Variants in GRID1 observed in about 807,000 individuals in gnomAD.
The protein encoded by GRID1 is glutamate receptor ionotropic, delta-1.
GRID1 carries 28 observed loss-of-function variants against 98.0 expected under a neutral mutation model. The observed-to-expected ratio is 0.29, with a 90% CI of 0.21 to 0.39. GRID1 has a LOEUF of 0.39. Among genes scored for constraint, GRID1 ranks in the 10% least tolerant of loss-of-function variants. The pLI is 1.00. For missense variants in GRID1, 1,111 were observed against 1,340.5 expected (o/e 0.83, Z 2.67); for synonymous variants, 553 against 538.5 (o/e 1.03, Z -0.37).
intron 3 of GRID1, among the ~76,000 whole-genome samples, chr10:86,141,912 C>A (rs1486281277): frequency 1.3e-5 from 2 of 152,254 alleles, no homozygotes; most frequent in Non-Finnish European, 2.9e-5. Context: ...GGCTCCTAAT[C>A]CCAGGCTTTT....
intron 2 of GRID1, among the ~76,000 whole-genome samples, chr10:86,292,853 T>C (rs1050132356): frequency 7.9e-5 from 12 of 151,876 alleles, no homozygotes; most frequent in African/African-American, 2.4e-4. Context: ...TGTATGAGTG[T>C]GTGAGTGTGG....
At chr10:85,922,159 T>C (rs748885501) in intron 4 of GRID1, among the ~76,000 whole-genome samples, 7 of 152,242 alleles carry the variant, frequency 4.6e-5, no homozygotes, top group Non-Finnish European at 1.0e-4. Flanking sequence ...TTTTTGGGTC[T>C]GAACCTGGCC....
At chr10:86,175,813 G>A (rs1428109285) in intron 3 of GRID1, among the ~76,000 whole-genome samples, 1 of 152,092 alleles carries the variant, frequency 6.6e-6, no homozygotes, top group Non-Finnish European at 1.5e-5. Flanking sequence ...GGGTTCAAGC[G>A]ATTCTCCTGC....
At chr10:85,709,411 G>A (rs941303654) in intron 12 of GRID1, among the ~76,000 whole-genome samples, 1 of 152,162 alleles carries the variant, frequency 6.6e-6, no homozygotes, top group Non-Finnish European at 1.5e-5. Context: ...AAGCATTCTT[G>A]GACTAGTTGA....
rs140462353 is a variant in GRID1 at position 85,674,170 on chromosome 10, T to A, written c.1998-26773A>T. Among the ~76,000 whole-genome samples the A allele has an allele frequency of 2.9e-4, 44 of 152,326 alleles. No individual in the cohort carries two copies. The East Asian group carries it at 7.3e-3, about 25-fold the overall frequency. ...TTCCAACGGGATGGGTAAGCTTGCTTTTCTCTCTGGGCTTCTTCTTTGGCT... is the reference window on the plus strand; with the variant it reads ...TTCCAACGGGATGGGTAAGCTTGCTATTCTCTCTGGGCTTCTTCTTTGGCT... On this transcript the variant is annotated intron_variant, in intron 12 of 15. Coordinates refer to ENST00000327946, the MANE Select transcript of GRID1 (RefSeq NM_017551.3).
chr10:85,849,141 T>C (rs1169412478), intron 8 of GRID1, among the ~76,000 whole-genome samples: 2 of 152,228 alleles, frequency 1.3e-5, no homozygotes, highest in Non-Finnish European at 2.9e-5. Flanking sequence ...CTTTTCAACC[T>C]GGCTTCACCT....
chr10:86,337,231 T>C (rs1848235547), intron 2 of GRID1, among the ~76,000 whole-genome samples: 1 of 152,050 alleles, frequency 6.6e-6, no homozygotes, highest in Non-Finnish European at 1.5e-5. Context: ...GCCCATCCCC[T>C]GTTAGGGAGG....
intron 5 of GRID1, among the ~76,000 whole-genome samples, chr10:85,884,476 C>T (rs1372005222): frequency 6.6e-6 from 1 of 151,994 alleles, no homozygotes; most frequent in African/African-American, 2.4e-5. Flanking sequence ...CTGAGGGGCC[C>T]AAGAGAAGCA....
chr10:86,206,511 G>A lies in GRID1; in HGVS notation c.373C>T (p.Arg125Cys), dbSNP rs1351108306. The A allele has an allele frequency of 2.5e-6, 4 of 1,614,226 alleles. No individual in the cohort carries two copies. Among genetic ancestry groups the A allele is most frequent in the Non-Finnish European group, 3.4e-6 (4 of 1,180,038 alleles). ...CTGGGGTTCAGGTGGCATGCGGTGCGTGGCGACCCTCCCGGGTTGCGCTGG... is the reference window on the plus strand; with the variant it reads ...CTGGGGTTCAGGTGGCATGCGGTGCATGGCGACCCTCCCGGGTTGCGCTGG... The part of the protein sequence containing the change: ...FVQRNPGGSP[R>C]TACHLNPSPD... The change falls in exon 3 of 16, where the codon CGC (arginine) becomes TGC (cysteine). Residue 125 changes from arginine to cysteine, a missense_variant. This residue lies in a region of GRID1 where 346 missense variants were observed against 452.3 expected (regional missense o/e 0.76). Coordinates refer to ENST00000327946, the MANE Select transcript of GRID1 (RefSeq NM_017551.3). This position sits in a 1 kb window ranked among gnomAD's most constrained non-coding sequence, Gnocchi z 4.1.
chr10:86,279,434 CTAAG>C (rs946955644), intron 2 of GRID1, among the ~76,000 whole-genome samples: 77 of 152,288 alleles, frequency 5.1e-4, no homozygotes, highest in African/African-American at 1.6e-3. Flanking sequence ...TACATCACGA[CTAAG>C]TAAGATTTAA....
intron 4 of GRID1, among the ~76,000 whole-genome samples, chr10:86,130,974 G>A (rs772064827): frequency 5.9e-5 from 9 of 152,176 alleles, no homozygotes; most frequent in Non-Finnish European, 1.0e-4. Flanking sequence ...CCAAACAAAG[G>A]AGCCACGTCC....
At position 85,601,264 on chromosome 10, in the gene GRID1, T is replaced by C. The variant is rs1590152310; in HGVS notation, c.*1009A>G. ...ACAAAGCTTCTACTCCCTGCATCTA[T>C]GGCCTCACTTCCTTCTCTCACCTGG... On this transcript the variant is annotated 3_prime_UTR_variant, in exon 16 of 16. Coordinates refer to ENST00000327946, the MANE Select transcript of GRID1 (RefSeq NM_017551.3). The C allele has an allele frequency of 1.3e-5, 2 of 152,704 alleles. No homozygotes were observed. The highest frequency in any genetic ancestry group is 3.9e-4 in the East Asian group (2 of 5,140). 9.5% of individuals were successfully genotyped at this position (152,704 alleles called of 1,614,324 possible).
chr10:85,630,181 C>T (rs1056238193), intron 13 of GRID1, among the ~76,000 whole-genome samples: 2 of 152,148 alleles, frequency 1.3e-5, no homozygotes, highest in African/African-American at 4.8e-5. Flanking sequence ...TCTTCAATCC[C>T]ACTTCACAGA....
chr10:85,690,964 G>A (rs556415183), intron 12 of GRID1, among the ~76,000 whole-genome samples: 4 of 152,284 alleles, frequency 2.6e-5, no homozygotes, highest in African/African-American at 9.6e-5. Flanking sequence ...TTAAGGGAAA[G>A]ATAGATTTAT....
intron 4 of GRID1, among the ~76,000 whole-genome samples, chr10:85,980,249 T>C (rs1053208733): frequency 9.9e-5 from 15 of 152,220 alleles, no homozygotes; most frequent in African/African-American, 3.6e-4. Context: ...ACAGCCCCTG[T>C]TGGATAGTGT....
chr10:86,255,461 C>A (rs970277632), intron 2 of GRID1, among the ~76,000 whole-genome samples: 2 of 152,176 alleles, frequency 1.3e-5, no homozygotes, highest in Non-Finnish European at 2.9e-5. Flanking sequence ...ATATACTAGC[C>A]CCTCAGGAGG....
chr10:85,896,385 T>C (rs1841294982), intron 5 of GRID1, among the ~76,000 whole-genome samples: 1 of 152,222 alleles, frequency 6.6e-6, no homozygotes, highest in Non-Finnish European at 1.5e-5. Context: ...CAGTACTGCA[T>C]GAAGGTAACA....
At position 85,980,840 on chromosome 10, in the gene GRID1, T is replaced by G. The variant is rs1465862942; in HGVS notation, c.727-64601A>C. Among the ~76,000 whole-genome samples, 3 of 152,332 alleles carry G rather than the reference T, an allele frequency of 2.0e-5. No individual in the cohort carries two copies. In the East Asian group the frequency reaches 5.8e-4, roughly 29 times the overall value. ...GAAACAGGAACTTATGAGAGTCACATGGCTTCTCTGTGCCCTGCTTTCCTC... is the reference window on the plus strand; with the variant it reads ...GAAACAGGAACTTATGAGAGTCACAGGGCTTCTCTGTGCCCTGCTTTCCTC... On this transcript the variant is annotated intron_variant, in intron 4 of 15. Transcript: ENST00000327946.
chr10:86,293,530 G>A (rs1847545898), intron 2 of GRID1, among the ~76,000 whole-genome samples: 1 of 152,040 alleles, frequency 6.6e-6, no homozygotes, highest in Non-Finnish European at 1.5e-5. Flanking sequence ...GACTTTTTTT[G>A]TTATTATTCT....
Sources: gnomAD v4.1 joint callset for allele counts (sites outside exome capture counted in the v4.1 genomes callset) on GRCh38, gnomAD v4.1.1 for gene constraint, gnomAD v4.1.1 regional missense constraint, Gnocchi (gnomAD v3.1) non-coding constraint, MANE v1.5 for transcripts, NCBI Gene and HGNC (gene_info 2026-07-23, HGNC 2026-07-21) for gene names.